The following CFDP1 variants were observed in gnomAD, a reference collection of about 807,000 sequenced individuals.
CFDP1 encodes chromatin remodeling protein CFDP1, also known as heterochromatin-stabilizing protein CFDP1.
A neutral mutation model predicts 40.1 loss-of-function variants in CFDP1; 31 were observed. The observed-to-expected ratio is 0.77, with a 90% confidence interval of 0.58 to 1.04. The LOEUF (loss-of-function observed/expected upper bound fraction) is 1.04, where lower values mean the gene tolerates loss of function less well. CFDP1 is among the 50% of genes least tolerant of loss of function. The pLI is 0.00. For missense variants in CFDP1, 423 were observed against 343.4 expected (o/e 1.23, Z -1.83); for synonymous variants, 167 against 120.0 (o/e 1.39, Z -2.56).
At chr16:75,412,316 G>C (rs572859109) in intron 3 of CFDP1, among the ~76,000 whole-genome samples, 1 of 152,290 alleles carries the variant, frequency 6.6e-6, no homozygotes, top group East Asian at 1.9e-4. Flanking sequence ...ACTGCAGTCA[G>C]CCTATAGCTA....
At chr16:75,304,440 C>G (rs936547167) in intron 6 of CFDP1, among the ~76,000 whole-genome samples, 1 of 152,184 alleles carries the variant, frequency 6.6e-6, no homozygotes, top group African/African-American at 2.4e-5. Context: ...CTTTTTACAA[C>G]TGAATACGTA....
At chr16:75,309,819 C>CAA (rs1156624164) in intron 5 of CFDP1, among the ~76,000 whole-genome samples, 3,994 of 46,328 alleles carry the variant, frequency 0.086, 861 homozygotes, top group African/African-American at 0.12. Context: ...GACTCCATCT[C>CAA]AAAAAAAAAA....
chr16:75,334,566 G>A (rs1597338290), intron 5 of CFDP1, among the ~76,000 whole-genome samples: 1 of 151,796 alleles, frequency 6.6e-6, no homozygotes, highest in Admixed American at 6.6e-5. Flanking sequence ...GGGTGACTTA[G>A]GCATAAGTCT....
intron 6 of CFDP1, among the ~76,000 whole-genome samples, chr16:75,303,400 A>ATGTATGTATGTATGTATGTATGT (rs1555552218): frequency 2.3e-4 from 33 of 146,246 alleles, no homozygotes; most frequent in African/African-American, 5.9e-4. Context: ...TAAATAAATA[A>ATGTATGTATGTATGTATGTATGT]ATGTATGTAT....
At chr16:75,418,764 C>A (rs1034213964) in intron 1 of CFDP1, among the ~76,000 whole-genome samples, 4 of 148,508 alleles carry the variant, frequency 2.7e-5, no homozygotes, top group Non-Finnish European at 5.9e-5. Context: ...CATTTCAGGT[C>A]TGAGGCAAAG....
intron 5 of CFDP1, among the ~76,000 whole-genome samples, chr16:75,346,596 A>AAAAAT (rs1284076334): frequency 2.9e-3 from 147 of 50,102 alleles, no homozygotes; most frequent in African/African-American, 6.3e-3. Flanking sequence ...AAAAAAAAAA[A>AAAAAT]AAAAAAAAAA....
At chr16:75,300,334 C>A (rs2078213778) in intron 6 of CFDP1, among the ~76,000 whole-genome samples, 1 of 152,138 alleles carries the variant, frequency 6.6e-6, no homozygotes, top group Admixed American at 6.6e-5. Context: ...GTTGCCTAGG[C>A]TGGAGTGCAA....
At chr16:75,320,059 C>G (rs1413005919) in intron 5 of CFDP1, among the ~76,000 whole-genome samples, 1 of 152,188 alleles carries the variant, frequency 6.6e-6, no homozygotes, top group African/African-American at 2.4e-5. Context: ...CACTGACCAT[C>G]AAAAAGAATT....
chr16:75,395,331 A>C, intron 4 of CFDP1, 122 bp from the exon 5 acceptor site: 1 of 1,027,308 alleles, frequency 9.7e-7, no homozygotes, highest in Non-Finnish European at 1.4e-6. Context: ...CTGGACGCTC[A>C]GCATTATGAT....
chr16:75,329,304 A>G (rs2078427744), intron 5 of CFDP1, among the ~76,000 whole-genome samples: 1 of 152,218 alleles, frequency 6.6e-6, no homozygotes, highest in Non-Finnish European at 1.5e-5. Flanking sequence ...GAATTTTACA[A>G]TATGGACAAA....
rs534347021 is a variant in CFDP1, at chr16:75,425,361, T to G, written c.64+7928A>C. Among the ~76,000 whole-genome samples the G allele has an allele frequency of 9.0e-5, 11 of 122,894 alleles. No homozygotes were observed. The South Asian group carries it at 2.9e-3, about 32-fold the overall frequency. 80.6% of individuals were successfully genotyped at this position (122,894 alleles called of 152,430 possible). A position where few individuals can be genotyped will look rare whatever the true frequency, so the allele number is the denominator to read the frequency against. ...GAGATCGCGCCACTGCACTCCAGCC[T>G]GGGCAACAGAGTGACACTCCATCCC... On this transcript the variant is annotated intron_variant, in intron 1 of 6. Coordinates refer to ENST00000283882, the MANE Select transcript of CFDP1 (RefSeq NM_006324.3).
In CFDP1 at chr16:75,297,146, T is replaced by TGTGTGTGTGTGTGTGTGTG. The variant is rs1491503380; in HGVS notation, c.810-3105_810-3104insCACACACACACACACACAC. On this transcript the variant is annotated intron_variant, in intron 6 of 6. Transcript: ENST00000283882. ...GCTTGGGGTTCTTGCTTCCCATTTC[T>TGTGTGTGTGTGTGTGTGTG]TGTGTGTGTGTGTGTGTGTCTGTGT... Among the ~76,000 whole-genome samples, 757 of 133,050 alleles carry TGTGTGTGTGTGTGTGTGTG rather than the reference T, an allele frequency of 5.7e-3. 79 individuals are homozygous for TGTGTGTGTGTGTGTGTGTG. The highest frequency in any genetic ancestry group is 0.02 in the East Asian group (90 of 4,510). 87.3% of individuals were successfully genotyped at this position (133,050 alleles called of 152,430 possible).
At chr16:75,399,819 C>T (rs367890433) in intron 4 of CFDP1, among the ~76,000 whole-genome samples, 13 of 152,078 alleles carry the variant, frequency 8.5e-5, no homozygotes, top group Non-Finnish European at 1.6e-4. Context: ...TTTTTAAAAT[C>T]GGCTGGGCGT....
intron 5 of CFDP1, among the ~76,000 whole-genome samples, chr16:75,321,637 G>T (rs1466309429): frequency 1.3e-5 from 2 of 152,090 alleles, no homozygotes; most frequent in African/African-American, 4.8e-5. Flanking sequence ...GAGGGGTGAG[G>T]AAGGGGCTTT....
intron 5 of CFDP1, among the ~76,000 whole-genome samples, chr16:75,349,953 T>A (rs2078599134): frequency 6.6e-6 from 1 of 151,802 alleles, no homozygotes; most frequent in East Asian, 1.9e-4. Context: ...ATACTTGTCT[T>A]TTTCCTATCT....
At chr16:75,378,612 T>C (rs1348365867) in intron 5 of CFDP1, among the ~76,000 whole-genome samples, 2 of 152,078 alleles carry the variant, frequency 1.3e-5, no homozygotes, top group African/African-American at 4.8e-5. Context: ...GCTCACAGCG[T>C]AGTGATGGAG....
At chr16:75,409,676 A>G (rs1378477729) in intron 4 of CFDP1, among the ~76,000 whole-genome samples, 3 of 152,130 alleles carry the variant, frequency 2.0e-5, no homozygotes, top group African/African-American at 2.4e-5. Context: ...GACACGTGCT[A>G]AAGTATTAAA....
intron 5 of CFDP1, among the ~76,000 whole-genome samples, chr16:75,391,054 G>C (rs1246814937): frequency 6.6e-6 from 1 of 152,236 alleles, no homozygotes; most frequent in Non-Finnish European, 1.5e-5. Flanking sequence ...GCATGGATAT[G>C]ACAAGCAGTG....
intron 5 of CFDP1, among the ~76,000 whole-genome samples, chr16:75,340,117 T>C (rs2078516439): frequency 6.6e-6 from 1 of 152,236 alleles, no homozygotes; most frequent in Non-Finnish European, 1.5e-5. Flanking sequence ...AAGACAAATG[T>C]AACGCCAGCC....
Sources: gnomAD v4.1 joint callset for allele counts (sites outside exome capture counted in the v4.1 genomes callset) on GRCh38, gnomAD v4.1.1 for gene constraint, MANE v1.5 for transcripts, NCBI Gene and HGNC (gene_info 2026-07-23, HGNC 2026-07-21) for gene names.